C6orf62: variants seen among roughly 807,000 people sequenced by gnomAD.
C6orf62 encodes uncharacterized protein C6orf62.
A neutral mutation model predicts 26.8 loss-of-function variants in C6orf62; 16 were observed. That is an observed-to-expected ratio of 0.60 (90% confidence interval 0.40 to 0.91). The LOEUF is 0.91. Among genes scored for constraint, C6orf62 ranks in the 40% least tolerant of loss-of-function variants. C6orf62 has a pLI of 0.00. For synonymous variants in C6orf62, 112 were observed against 91.5 expected (o/e 1.22, Z -1.28); for missense variants, 192 against 271.4 (o/e 0.71, Z 2.06).
chr6:24,719,908 G>A, upstream of C6orf62: 28 of 1,549,550 alleles, frequency 1.8e-5, no homozygotes, highest in Non-Finnish European at 2.4e-5. Context: ...TCATTTCATC[G>A]TGGAAACAAT....
intron 1 of C6orf62, among the ~76,000 whole-genome samples, chr6:24,716,670 C>T (rs1779236404): frequency 6.6e-6 from 1 of 151,918 alleles, no homozygotes; most frequent in Non-Finnish European, 1.5e-5. Context: ...TTATATGGGC[C>T]AATTTCCATT....
rs1423279031 is a variant in C6orf62, at chr6:24,706,008, T to C, written c.*129A>G. 1 of 1,319,488 alleles carries C rather than the reference T, an allele frequency of 7.6e-7. No individual in the cohort carries two copies. Among genetic ancestry groups the C allele is most frequent in the African/African-American group, 1.5e-5 (1 of 67,522 alleles). 81.7% of individuals were successfully genotyped at this position (1,319,488 alleles called of 1,614,324 possible). A position where few individuals can be genotyped will look rare whatever the true frequency, so the allele number is the denominator to read the frequency against. Reference sequence around the variant, plus strand: ...TTTAAAAAAATCCAGGATGAACAAGTTTCAAAATGCATAGTGTTCTGTGCA... The same window carrying C: ...TTTAAAAAAATCCAGGATGAACAAGCTTCAAAATGCATAGTGTTCTGTGCA... On this transcript the variant is annotated 3_prime_UTR_variant, in exon 5 of 5. Coordinates refer to ENST00000378119, the MANE Select transcript of C6orf62 (RefSeq NM_030939.5).
At chr6:24,716,395 T>C (rs973107196) in intron 1 of C6orf62, 71 bp from the exon 2 acceptor site, 23 of 1,095,542 alleles carry the variant, frequency 2.1e-5, no homozygotes, top group Non-Finnish European at 3.0e-5. Flanking sequence ...CATATTACAA[T>C]GTCATGTAAC....
Position 24,706,149 on chromosome 6 carries a change from A to G in C6orf62, c.678T>C (p.Tyr226=), listed in dbSNP as rs757058701. Residue 226 remains tyrosine (Y), a synonymous_variant, in exon 5 of 5, where the codon TAT becomes TAC. Transcript: ENST00000378119. ...GCTGGTCAGTACTCTACTCTGGCAT[A>G]TAAGGACGGAGGTGATCCTCTATGG... ...VGTIEDHLRP[Y]MPE is the part of the protein sequence containing the mutation. The G allele has an allele frequency of 2.0e-5, 33 of 1,614,086 alleles. No homozygotes were observed. Among genetic ancestry groups the G allele is most frequent in the South Asian group, 1.2e-4 (11 of 91,092 alleles).
rs557298405 is a variant in C6orf62, at chr6:24,707,912, G to A, written c.564+865C>T. Among the ~76,000 whole-genome samples, 22 of 151,998 alleles carry A rather than the reference G, an allele frequency of 1.4e-4. No homozygotes were observed. In the East Asian group the frequency reaches 3.3e-3, roughly 23 times the overall value. ...TGTAGTCCCAGCTACTCGGGAGGCT[G>A]AGGCAGGAGAATGGCGTGAACCCGG... On this transcript the variant is annotated intron_variant, in intron 4 of 4. Coordinates refer to ENST00000378119, the MANE Select transcript of C6orf62 (RefSeq NM_030939.5).
intron 3 of C6orf62, chr6:24,710,445 G>A (rs1439878084): frequency 5.0e-6 from 2 of 396,142 alleles, no homozygotes; most frequent in South Asian, 1.0e-4. Context: ...TGTGTTTTTA[G>A]TAGAGATAGG....
chr6:24,718,117 C>A (rs904250107), intron 1 of C6orf62, among the ~76,000 whole-genome samples: 1 of 152,242 alleles, frequency 6.6e-6, no homozygotes, highest in African/African-American at 2.4e-5. Context: ...AGGTTACCTA[C>A]ATTACGCAGT....
At chr6:24,710,198 C>T in intron 3 of C6orf62, 9 of 985,104 alleles carry the variant, frequency 9.1e-6, no homozygotes, top group Non-Finnish European at 8.4e-6. Flanking sequence ...ACAAGTACAG[C>T]CAAATATAAA....
chr6:24,719,281 ATTCT>A (rs1169245165), upstream of C6orf62: 1 of 989,424 alleles, frequency 1.0e-6, no homozygotes, highest in African/African-American at 1.7e-5. Flanking sequence ...GTAGTACCTA[ATTCT>A]TAGTTATTTC....
intron 2 of C6orf62, among the ~76,000 whole-genome samples, chr6:24,714,879 G>A (rs928163263): frequency 1.3e-5 from 2 of 152,126 alleles, no homozygotes; most frequent in East Asian, 1.9e-4. Flanking sequence ...TCAGCCTCCC[G>A]AAGTGCTGGG....
chr6:24,720,317 C>T (rs1779331122), upstream of C6orf62: 3 of 1,293,364 alleles, frequency 2.3e-6, no homozygotes. Flanking sequence ...GCTGGTAGCA[C>T]GGGCAGGAGC....
At chr6:24,720,276 C>T, upstream of C6orf62, 1 of 1,288,762 alleles carries the variant, frequency 7.8e-7, no homozygotes. Context: ...GCGGTGGCGG[C>T]GGCGGAAGAG....
intron 3 of C6orf62, chr6:24,710,097 T>A (rs1004946362): frequency 6.1e-6 from 6 of 983,712 alleles, no homozygotes; most frequent in African/African-American, 1.7e-5. Flanking sequence ...ATTAGTATGA[T>A]CATAAGCATA....
chr6:24,710,563 C>G (rs956480869), intron 3 of C6orf62: 32 of 984,334 alleles, frequency 3.3e-5, no homozygotes, highest in Non-Finnish European at 3.6e-5. Flanking sequence ...CGCGCCCGGC[C>G]CAAATTGGGT....
At position 24,706,280 on chromosome 6, in the gene C6orf62, T is replaced by A. The variant is rs772754976; in HGVS notation, c.565-18A>T. On this transcript the variant is annotated intron_variant, in intron 4 of 4. Coordinates refer to ENST00000378119, the MANE Select transcript of C6orf62 (RefSeq NM_030939.5). ...TTTGGAGTCTGGAAGGGGAAAACAT[T>A]TTAATATTTTTTAAAAATAAGACTT... 1.2e-6 allele frequency: 2 copies of A among 1,612,742 alleles called. No individual in the cohort carries two copies. Among genetic ancestry groups the A allele is most frequent in the Non-Finnish European group, 8.5e-7 (1 of 1,179,486 alleles).
intron 2 of C6orf62, 48 bp downstream of exon 2, chr6:24,716,100 G>A (rs1489998708): frequency 2.0e-6 from 3 of 1,534,114 alleles, no homozygotes; most frequent in Non-Finnish European, 2.7e-6. Flanking sequence ...GAAATGCAAG[G>A]TTAATCCACA....
rs1779296701 is a variant in C6orf62 at position 24,719,003 on chromosome 6, T to G, written c.-335A>C. On this transcript the variant is annotated 5_prime_UTR_variant, in exon 1 of 5. Transcript: ENST00000378119. ...TTGGCTTAACTGCCAAAATAAAGGC[T>G]TTGCGGAGAAATGAAAAGCCTATAA... 1.8e-6 allele frequency: 2 copies of G among 1,127,354 alleles called. No homozygotes were observed. Among genetic ancestry groups the G allele is most frequent in the South Asian group, 4.1e-5 (2 of 48,254 alleles). The allele number at this position is 1,127,354 out of a possible 1,614,324, so 69.8% of individuals were successfully genotyped here. A position where few individuals can be genotyped will look rare whatever the true frequency, so the allele number is the denominator to read the frequency against.
At chr6:24,719,674 G>C (rs948063018), upstream of C6orf62, 8 of 1,468,194 alleles carry the variant, frequency 5.4e-6, no homozygotes, top group Middle Eastern at 2.5e-4. Context: ...CATTCCCCAA[G>C]GGAGACTTCC....
At chr6:24,720,285 A>C (rs1779329829), upstream of C6orf62, 1 of 1,299,022 alleles carries the variant, frequency 7.7e-7, no homozygotes, top group African/African-American at 1.5e-5. Context: ...GCGGCGGAAG[A>C]GGCGGCGGCG....
Sources: allele counts gnomAD v4.1 joint callset (sites outside exome capture counted in the v4.1 genomes callset), GRCh38; gene constraint gnomAD v4.1.1; transcripts MANE v1.5; gene names NCBI Gene and HGNC (gene_info 2026-07-23, HGNC 2026-07-21).